Variants in INO80D observed in about 807,000 individuals in gnomAD.
INO80D encodes INO80 complex subunit D.
A neutral mutation model predicts 87.6 loss-of-function variants in INO80D; 21 were observed. The ratio of observed to expected loss-of-function variants is 0.24; its 90% confidence interval spans 0.17 to 0.35. The LOEUF (loss-of-function observed/expected upper bound fraction) is 0.35, where lower values mean the gene tolerates loss of function less well. Among genes scored for constraint, INO80D ranks in the 10% least tolerant of loss-of-function variants. The pLI, the probability that INO80D is intolerant of heterozygous loss-of-function variation, is 1.00. For synonymous variants in INO80D, 440 were observed against 491.0 expected (o/e 0.90, Z 1.37); for missense variants, 982 against 1,280.7 (o/e 0.77, Z 3.56).
In INO80D at chr2:206,063,020, G is replaced by A. The variant is rs1309636473; in HGVS notation, c.-4C>T. The A allele has an allele frequency of 1.3e-6, 2 of 1,598,218 alleles. No homozygotes were observed. Among genetic ancestry groups the A allele is most frequent in the South Asian group, 1.1e-5 (1 of 90,034 alleles). ...GTATATGTTTCCCTTCATACATCAC[G>A]TGACTCTATTCCTTGTGAACATCAG... On this transcript the variant is annotated 5_prime_UTR_variant, in exon 3 of 11. The change creates a new upstream start codon in the 5' untranslated region. Transcript: ENST00000403263.
At chr2:206,081,201 A>T (rs892200028) in intron 1 of INO80D, among the ~76,000 whole-genome samples, 1 of 152,222 alleles carries the variant, frequency 6.6e-6, no homozygotes, top group African/African-American at 2.4e-5. Context: ...CCAAGCTTTT[A>T]ACCAATACAA....
chr2:206,084,466 G>A (rs1690379747), intron 1 of INO80D: 1 of 152,232 alleles, frequency 6.6e-6, no homozygotes, highest in African/African-American at 2.4e-5. Flanking sequence ...TGTAGACCTT[G>A]TTTCGGGAGC....
At chr2:206,019,492 T>C (rs1338108176) in intron 7 of INO80D, among the ~76,000 whole-genome samples, 1 of 152,232 alleles carries the variant, frequency 6.6e-6, no homozygotes, top group Non-Finnish European at 1.5e-5. Flanking sequence ...TAACAAAATA[T>C]AATTAAGTGA....
Position 206,005,237 on chromosome 2 carries a change from C to A in INO80D, c.2215G>T (p.Ala739Ser). 1 of 1,614,006 alleles carries A rather than the reference C, an allele frequency of 6.2e-7. No individual in the cohort carries two copies. Among genetic ancestry groups the A allele is most frequent in the Non-Finnish European group, 8.5e-7 (1 of 1,179,878 alleles). Residue 739 changes from alanine (A) to serine (S), a missense_variant, in exon 11 of 11, where the codon GCT (alanine) becomes TCT (serine). Ala to Ser is a moderately conservative substitution (Grantham distance 99, BLOSUM62 1). Coordinates refer to ENST00000403263, the MANE Select transcript of INO80D (RefSeq NM_017759.5). ...LELDENLLRS[A>S]TLSNPPTPLA... ...GGTGTAGGTGGGTTTGACAAGGTAG[C>A]AGAACGGAGCAGGTTCTCATCCAGC...
chr2:206,081,385 G>A (rs1279979796), intron 1 of INO80D, among the ~76,000 whole-genome samples: 2 of 152,206 alleles, frequency 1.3e-5, no homozygotes, highest in Non-Finnish European at 2.9e-5. Flanking sequence ...ACTATAGTAT[G>A]TATAGTACAG....
In INO80D at chr2:205,994,684, C is replaced by T. The variant is rs1489442476; in HGVS notation, c.*9684G>A. Reference sequence around the variant, plus strand: ...CATCTTACAATTTAGGATTGTCCATCTACCTTCCTCTCTCTGCAAGTTCTT... The same window carrying T: ...CATCTTACAATTTAGGATTGTCCATTTACCTTCCTCTCTCTGCAAGTTCTT... On this transcript the variant is annotated 3_prime_UTR_variant, in exon 11 of 11. Transcript: ENST00000403263. 6.6e-6 allele frequency: 1 copy of T among 152,120 alleles called. No homozygotes were observed. Among genetic ancestry groups the T allele is most frequent in the African/African-American group, 2.4e-5 (1 of 41,432 alleles). The allele number at this position is 152,120 out of a possible 1,614,324, so 9.4% of individuals were successfully genotyped here.
chr2:206,059,330 G>A (rs143827445), intron 3 of INO80D, among the ~76,000 whole-genome samples: 4 of 152,176 alleles, frequency 2.6e-5, no homozygotes, highest in South Asian at 2.1e-4. Flanking sequence ...GCAGTGAGCC[G>A]AGACTGTGCC....
intron 8 of INO80D, among the ~76,000 whole-genome samples, chr2:206,013,726 G>A (rs188429428): frequency 3.3e-4 from 50 of 151,046 alleles, no homozygotes; most frequent in African/African-American, 1.2e-3. Context: ...TTTATTTCGT[G>A]ATTTGAAAGC....
intron 1 of INO80D, among the ~76,000 whole-genome samples, chr2:206,075,851 C>T (rs955125167): frequency 2.6e-5 from 4 of 151,080 alleles, no homozygotes; most frequent in Admixed American, 1.3e-4. Flanking sequence ...GTCAGGAGTT[C>T]GAGACCAGCC....
intron 3 of INO80D, among the ~76,000 whole-genome samples, chr2:206,058,418 CAAAAA>C (rs59790218): frequency 8.0e-6 from 1 of 125,328 alleles, no homozygotes; most frequent in African/African-American, 3.5e-5. Context: ...GACTCTGTCT[CAAAAA>C]AAAAAAAAAA....
At position 206,056,251 on chromosome 2, in the gene INO80D, A is replaced by T. The variant is rs1015987527; in HGVS notation, c.911T>A (p.Val304Glu). Residue 304 changes from valine (V) to glutamate (E), a missense_variant, in exon 4 of 11, where the codon GTG becomes GAG. Physicochemically the swap from Val to Glu is moderately radical, Grantham distance 121. Coordinates refer to ENST00000403263, the MANE Select transcript of INO80D (RefSeq NM_017759.5). ...FSCISRLQRL[V>E]KLCTQKHQLD... ...CTGATGTTTCTGGGTGCACAGTTTC[A>T]CCAGTCTCTGCAGTCGGCTTATACA... 1 of 1,611,144 alleles carries T rather than the reference A, an allele frequency of 6.2e-7. No homozygotes were observed. The highest frequency in any genetic ancestry group is 8.5e-7 in the Non-Finnish European group (1 of 1,178,874).
At chr2:206,049,498 C>G (rs532978497) in intron 4 of INO80D, among the ~76,000 whole-genome samples, 1 of 152,276 alleles carries the variant, frequency 6.6e-6, no homozygotes, top group Non-Finnish European at 1.5e-5. Flanking sequence ...TAAGACACCT[C>G]TGAGGTGTCT....
chr2:206,038,726 G>A (rs13002014), intron 5 of INO80D, among the ~76,000 whole-genome samples: 40,381 of 151,950 alleles, frequency 0.27, 6,191 homozygotes, highest in Admixed American at 0.35. Context: ...CCAGCTACTC[G>A]GGAGGCTGAG....
chr2:206,058,926 T>C (rs1399710635), intron 3 of INO80D, among the ~76,000 whole-genome samples: 2 of 151,306 alleles, frequency 1.3e-5, no homozygotes, highest in Non-Finnish European at 2.9e-5. Flanking sequence ...CCAAAGTTAT[T>C]TGAAAATGAA....
chr2:206,035,256 G>A (rs1688862614), intron 5 of INO80D, among the ~76,000 whole-genome samples: 1 of 151,940 alleles, frequency 6.6e-6, no homozygotes, highest in Non-Finnish European at 1.5e-5. Flanking sequence ...AAATTCATAA[G>A]GAACCAAAAA....
At chr2:206,046,307 C>T (rs1446532243) in intron 5 of INO80D, among the ~76,000 whole-genome samples, 197 bp downstream of exon 5, 1 of 151,996 alleles carries the variant, frequency 6.6e-6, no homozygotes, top group Non-Finnish European at 1.5e-5. Flanking sequence ...GAGGCCTAGG[C>T]GGAGAGATCA....
chr2:206,079,206 G>C (rs1459698376), intron 1 of INO80D, among the ~76,000 whole-genome samples: 2 of 151,988 alleles, frequency 1.3e-5, no homozygotes, highest in African/African-American at 4.8e-5. Context: ...CTGAGTAGCT[G>C]GGACTACAAA....
rs1260479139 is a variant in INO80D at position 205,997,486 on chromosome 2, C to T, written c.*6882G>A. ...AAAGGCCTATACTTTTTCTTAACTTCACCAAGAAAAGATGATCAACAATAT... is the reference window on the plus strand; with the variant it reads ...AAAGGCCTATACTTTTTCTTAACTTTACCAAGAAAAGATGATCAACAATAT... On this transcript the variant is annotated 3_prime_UTR_variant, in exon 11 of 11. Coordinates refer to ENST00000403263, the MANE Select transcript of INO80D (RefSeq NM_017759.5). The T allele has an allele frequency of 6.6e-6, 1 of 152,022 alleles. No individual in the cohort carries two copies. The highest frequency in any genetic ancestry group is 2.4e-5 in the African/African-American group (1 of 41,406). 9.4% of individuals were successfully genotyped at this position (152,022 alleles called of 1,614,324 possible). A position where few individuals can be genotyped will look rare whatever the true frequency, so the allele number is the denominator to read the frequency against.
intron 1 of INO80D, among the ~76,000 whole-genome samples, chr2:206,069,297 C>T (rs1339518749): frequency 6.6e-6 from 1 of 151,920 alleles, no homozygotes; most frequent in Non-Finnish European, 1.5e-5. Context: ...AATATATTTT[C>T]CTTATGGTTT....
Sources: allele counts gnomAD v4.1 joint callset (sites outside exome capture counted in the v4.1 genomes callset), GRCh38; gene constraint gnomAD v4.1.1; transcripts MANE v1.5; gene names NCBI Gene and HGNC (gene_info 2026-07-23, HGNC 2026-07-21).